The following DNAH1 variants were observed in gnomAD, a reference collection of about 807,000 sequenced individuals.
DNAH1 encodes dynein axonemal heavy chain 1.
Under a neutral mutation model 484.3 loss-of-function variants are expected in DNAH1, and 327 were observed. The observed-to-expected ratio is 0.68, with a 90% CI of 0.62 to 0.74. DNAH1 has a LOEUF of 0.74. Among genes scored for constraint, DNAH1 ranks in the 30% least tolerant of loss-of-function variants. DNAH1 has a pLI of 0.00. For synonymous variants in DNAH1, 2,192 were observed against 2,191.9 expected (o/e 1.00, Z 0.00); for missense variants, 5,052 against 5,546.8 (o/e 0.91, Z 2.83).
At chr3:52,338,112 T>TTA (rs1701799995) in intron 8 of DNAH1, among the ~76,000 whole-genome samples, 3 of 152,064 alleles carry the variant, frequency 2.0e-5, no homozygotes, top group Admixed American at 2.0e-4. Flanking sequence ...TTAATTAATT[T>TTA]ATTTATTTAT....
chr3:52,390,937 C>T lies in DNAH1; in HGVS notation c.9624C>T (p.Ile3208=), dbSNP rs61734628. The T allele has an allele frequency of 0.014, 21,605 of 1,551,744 alleles. 1,481 individuals are homozygous for T. The African/African-American group carries it at 0.19, about 14-fold the overall frequency. Residue 3208 remains isoleucine (I), a splice_region_variant and synonymous_variant, in exon 61 of 78, where the codon ATC becomes ATT. Coordinates refer to ENST00000420323, the MANE Select transcript of DNAH1 (RefSeq NM_015512.5). ...GNPVKIRSWQ[I]AGLPNDTLSV... is the part of the protein sequence containing the mutation. Reference sequence around the variant, plus strand: ...GTCCAGTGCCTGGCTCTCCACAGATCGCTGGCCTCCCCAACGACACACTGT... The same window carrying T: ...GTCCAGTGCCTGGCTCTCCACAGATTGCTGGCCTCCCCAACGACACACTGT...
intron 60 of DNAH1, among the ~76,000 whole-genome samples, chr3:52,390,728 G>A (rs1219589614): frequency 6.6e-6 from 1 of 152,220 alleles, no homozygotes; most frequent in African/African-American, 2.4e-5. Context: ...CTGTGCCATG[G>A]TTAGGTATCC....
At position 52,350,561 on chromosome 3, in the gene DNAH1, C is replaced by A. The variant is rs1255898283; in HGVS notation, c.2700C>A (p.Tyr900Ter). 6.2e-7 allele frequency: 1 copy of A among 1,613,926 alleles called. No homozygotes were observed. The highest frequency in any genetic ancestry group is 8.5e-7 in the Non-Finnish European group (1 of 1,179,840). ...ACCAGGTCATGGATGAATTCCTCTA[C>A]AACCTCAGCTCAGATGACTTCAATG... ...DDYQVMDEFLYNLSSDDFNDK... is the reference protein window; with the variant it reads ...DDYQVMDEFL The change falls in exon 16 of 78, where the codon TAC (tyrosine) becomes TAA (stop). Residue 900 changes from tyrosine to a stop codon, truncating the protein, a stop_gained. Coordinates refer to ENST00000420323, the MANE Select transcript of DNAH1 (RefSeq NM_015512.5). LOFTEE classifies it high-confidence loss of function.
At chr3:52,375,846 G>T in intron 45 of DNAH1, 109 bp from the exon 46 acceptor site, 6 of 1,328,502 alleles carry the variant, frequency 4.5e-6, no homozygotes, top group Non-Finnish European at 6.4e-6. Flanking sequence ...TGGGGTTTGG[G>T]GAAAAGCTTA....
In DNAH1 at chr3:52,368,755, T is replaced by C; in HGVS notation, c.5780T>C (p.Phe1927Ser). The change falls in exon 37 of 78, where the codon TTC (phenylalanine) becomes TCC (serine). Residue 1927 changes from phenylalanine (F) to serine (S), a missense_variant. Around this residue, in one of 4 missense-constraint regions of DNAH1, gnomAD observed 2,929 missense variants for 3,409.4 expected, o/e 0.86. Coordinates refer to ENST00000420323, the MANE Select transcript of DNAH1 (RefSeq NM_015512.5). The surrounding 1 kb of genome is among the most constrained non-coding windows in gnomAD (Gnocchi z 4.4). ...TGGCGCTGCAGGACAGACGGGATAT[T>C]CTCCTCGTTCATCCGGGCGGGGGCC... is the stretch of plus-strand genomic sequence containing the variant. Reference protein sequence around the residue: ...LLTHEWTDGIFSSFIRAGAIT... With the variant: ...LLTHEWTDGISSSFIRAGAIT... 2 of 1,613,590 alleles carry C rather than the reference T, an allele frequency of 1.2e-6. No homozygotes were observed. Among genetic ancestry groups the C allele is most frequent in the Non-Finnish European group, 1.7e-6 (2 of 1,179,832 alleles).
In DNAH1 at chr3:52,389,520, C is replaced by A. The variant is rs1448193844; in HGVS notation, c.9555C>A (p.Val3185=). The A allele has an allele frequency of 6.3e-7, 1 of 1,595,216 alleles. No individual in the cohort carries two copies. The highest frequency in any genetic ancestry group is 2.3e-5 in the East Asian group (1 of 43,916). The change falls in exon 60 of 78, where the codon GTC becomes GTA. Residue 3185 remains valine (V), a synonymous_variant. Transcript: ENST00000420323. ...SWVKQLRSHN[V]PHTSEPTLIG... ...TCAAGCAGCTCAGGAGCCACAATGT[C>A]CCACACACCTCCGAGCCCACGCTAA... is the stretch of plus-strand genomic sequence containing the variant.
In DNAH1 at chr3:52,349,213, C is replaced by T. The variant is rs754855268; in HGVS notation, c.2319C>T (p.Gly773=). The change falls in exon 14 of 78, where the codon GGC becomes GGT. Residue 773 remains glycine (G), a synonymous_variant. Coordinates refer to ENST00000420323, the MANE Select transcript of DNAH1 (RefSeq NM_015512.5). The part of the protein sequence containing the change: ...ASFLKTYQTQ[G]LLAQEVREVV... ...TCCTCAGAACCTACCAGACGCAGGG[C>T]CTGTTGGCCCAGGAGGTGCGGGAGG... The T allele has an allele frequency of 3.1e-6, 5 of 1,613,556 alleles. No individual in the cohort carries two copies. The highest frequency in any genetic ancestry group is 4.2e-6 in the Non-Finnish European group (5 of 1,179,744).
intron 1 of DNAH1, among the ~76,000 whole-genome samples, chr3:52,317,044 C>G (rs1409271880): frequency 6.6e-6 from 1 of 152,172 alleles, no homozygotes; most frequent in Non-Finnish European, 1.5e-5. Flanking sequence ...TATTGCAGCA[C>G]TTTTGCTTTA....
Position 52,353,374 on chromosome 3 carries a change from C to G in DNAH1, c.3227-6C>G, listed in dbSNP as rs373688652. ...GCCTCTCATGCGTTTCTGTCTTACC[C>G]GGCAGCCTGCCAGGAAGTGGCCTTG... is the stretch of plus-strand genomic sequence containing the variant. On this transcript the variant is annotated splice_region_variant and splice_polypyrimidine_tract_variant and intron_variant, in intron 19 of 77. Coordinates refer to ENST00000420323, the MANE Select transcript of DNAH1 (RefSeq NM_015512.5). This position sits in a 1 kb window ranked among gnomAD's most constrained non-coding sequence, Gnocchi z 5.0. 1 of 1,608,822 alleles carries G rather than the reference C, an allele frequency of 6.2e-7. No individual in the cohort carries two copies. The highest frequency in any genetic ancestry group is 1.1e-5 in the South Asian group (1 of 90,672).
chr3:52,326,091 T>C, intron 3 of DNAH1, 49 bp from the exon 4 acceptor site: 2 of 1,432,552 alleles, frequency 1.4e-6, no homozygotes, highest in Non-Finnish European at 1.8e-6. Flanking sequence ...GGCTGGTTTT[T>C]GGGTGCTGGC....
In DNAH1 at chr3:52,361,250, C is replaced by T. The variant is rs1559529321; in HGVS notation, c.4772C>T (p.Thr1591Ile). 4 of 1,613,112 alleles carry T rather than the reference C, an allele frequency of 2.5e-6. No homozygotes were observed. Among genetic ancestry groups the T allele is most frequent in the Non-Finnish European group, 3.4e-6 (4 of 1,179,696 alleles). Residue 1591 changes from threonine to isoleucine, a missense_variant, in exon 29 of 78, where the codon ACC (threonine) becomes ATC (isoleucine). Transcript: ENST00000420323. This position sits in a 1 kb window ranked among gnomAD's most constrained non-coding sequence, Gnocchi z 5.6. The part of the protein sequence containing the change: ...GPAGTGKTET[T>I]KDLGKALAIQ... ...GCTGGCACAGGCAAAACTGAGACCA[C>T]CAAAGACCTGGGTAAGGCCTTGGCC...
chr3:52,369,908 G>T lies in DNAH1; in HGVS notation c.6027G>T (p.Glu2009Asp), dbSNP rs770003722. Residue 2009 changes from glutamate (E) to aspartate (D), a missense_variant, in exon 38 of 78, where the codon GAG becomes GAT. By Grantham distance (45) the Glu-to-Asp change is conservative. Coordinates refer to ENST00000420323, the MANE Select transcript of DNAH1 (RefSeq NM_015512.5). ...TVSRCGMVYL[E>D]PSILGLMPFI... is the part of the protein sequence containing the mutation. Reference sequence around the variant, plus strand: ...CCCGCTGTGGCATGGTGTACCTGGAGCCCAGCATCCTGGGGCTCATGCCCT... The same window carrying T: ...CCCGCTGTGGCATGGTGTACCTGGATCCCAGCATCCTGGGGCTCATGCCCT... 3.7e-6 allele frequency: 6 copies of T among 1,613,864 alleles called. No individual in the cohort carries two copies. The African/African-American group carries it at 8.0e-5, about 22-fold the overall frequency.
rs747369226 is a variant in DNAH1, at chr3:52,375,419, T to C, written c.7159+6T>C. ...CATCCTGGGCAACTGGTTGGGTGAGTATTGGTGGGGGTGAGCATGGACAAA... is the reference window on the plus strand; with the variant it reads ...CATCCTGGGCAACTGGTTGGGTGAGCATTGGTGGGGGTGAGCATGGACAAA... On this transcript the variant is annotated splice_donor_region_variant and intron_variant, in intron 45 of 77. Coordinates refer to ENST00000420323, the MANE Select transcript of DNAH1 (RefSeq NM_015512.5). 3 of 1,610,756 alleles carry C rather than the reference T, an allele frequency of 1.9e-6. No individual in the cohort carries two copies. In the East Asian group the frequency reaches 6.7e-5, roughly 36 times the overall value.
In DNAH1 at chr3:52,385,362, C is replaced by A; in HGVS notation, c.8540C>A (p.Ala2847Asp). 1 of 1,552,644 alleles carries A rather than the reference C, an allele frequency of 6.4e-7. No individual in the cohort carries two copies. The highest frequency in any genetic ancestry group is 8.7e-7 in the Non-Finnish European group (1 of 1,147,510). Reference sequence around the variant, plus strand: ...CTGCTGCGCACTTCTGAGGATGTAGCCAAGATGCAGGAGGACCTGGAGAGT... The same window carrying A: ...CTGCTGCGCACTTCTGAGGATGTAGACAAGATGCAGGAGGACCTGGAGAGT... ...DKLLRTSEDV[A>D]KMQEDLESMH... Residue 2847 changes from alanine to aspartate, a missense_variant, in exon 54 of 78, where the codon GCC (alanine) becomes GAC (aspartate). Physicochemically the swap from Ala to Asp is moderately radical, Grantham distance 126. Transcript: ENST00000420323.
In DNAH1 at chr3:52,362,861, G is replaced by T; in HGVS notation, c.5095-134G>T. 1 of 1,242,106 alleles carries T rather than the reference G, an allele frequency of 8.1e-7. No homozygotes were observed. The highest frequency in any genetic ancestry group is 1.1e-6 in the Non-Finnish European group (1 of 872,738). 76.9% of individuals were successfully genotyped at this position (1,242,106 alleles called of 1,614,324 possible). ...AATGGCAGAGCTACCAGTCTCAGGG[G>T]AGTGAAAGCCTCAGCTGTGGCAGGC... On this transcript the variant is annotated intron_variant, in intron 31 of 77. Coordinates refer to ENST00000420323, the MANE Select transcript of DNAH1 (RefSeq NM_015512.5). This position sits in a 1 kb window ranked among gnomAD's most constrained non-coding sequence, Gnocchi z 5.1.
Position 52,358,844 on chromosome 3 carries a change from T to A in DNAH1, c.4266+107T>A. On this transcript the variant is annotated intron_variant, in intron 25 of 77. Coordinates refer to ENST00000420323, the MANE Select transcript of DNAH1 (RefSeq NM_015512.5). This position sits in a 1 kb window ranked among gnomAD's most constrained non-coding sequence, Gnocchi z 4.2. Reference sequence around the variant, plus strand: ...TCGTCCTCAGGCTGCAGCCCTGAGGTCCCTGGGGGCTCAGGCGGGATTCTG... The same window carrying A: ...TCGTCCTCAGGCTGCAGCCCTGAGGACCCTGGGGGCTCAGGCGGGATTCTG... The A allele has an allele frequency of 3.0e-6, 4 of 1,333,954 alleles. No homozygotes were observed. The highest frequency in any genetic ancestry group is 4.1e-6 in the Non-Finnish European group (4 of 966,814). The allele number at this position is 1,333,954 out of a possible 1,614,324, so 82.6% of individuals were successfully genotyped here.
intron 20 of DNAH1, among the ~76,000 whole-genome samples, chr3:52,354,530 G>A (rs1326657225): frequency 6.6e-6 from 1 of 152,158 alleles, no homozygotes; most frequent in African/African-American, 2.4e-5. Flanking sequence ...CTACTCGGGA[G>A]GCTGAGGCAG....
At chr3:52,342,087 T>G (rs1701960954) in intron 8 of DNAH1, among the ~76,000 whole-genome samples, 1 of 152,266 alleles carries the variant, frequency 6.6e-6, no homozygotes, top group South Asian at 2.1e-4. Context: ...ACAGTGGTGA[T>G]AACATTTGAG....
chr3:52,350,585 T>C lies in DNAH1; in HGVS notation c.2724T>C (p.Asn908=), dbSNP rs201003363. The stretch of plus-strand genomic sequence containing the variant: ...ACAACCTCAGCTCAGATGACTTCAA[T>C]GACAAGTGAGTGGGAGCTTGGCCCC... ...FLYNLSSDDF[N]DKWIASNWPS... is the part of the protein sequence containing the mutation. Residue 908 remains asparagine, a synonymous_variant, in exon 16 of 78, where the codon AAT becomes AAC. Transcript: ENST00000420323. 261 of 1,613,686 alleles carry C rather than the reference T, an allele frequency of 1.6e-4. 1 individual carries two copies. In the African/African-American group the frequency reaches 3.1e-3, roughly 19 times the overall value.
Sources: gnomAD v4.1 joint callset for allele counts (sites outside exome capture counted in the v4.1 genomes callset) on GRCh38, gnomAD v4.1.1 for gene constraint, gnomAD v4.1.1 regional missense constraint, Gnocchi (gnomAD v3.1) non-coding constraint, MANE v1.5 for transcripts, NCBI Gene and HGNC (gene_info 2026-07-23, HGNC 2026-07-21) for gene names.